The following IL1R1 variants were observed in gnomAD, a reference collection of about 807,000 sequenced individuals.
IL1R1 encodes interleukin 1 receptor type 1.
IL1R1 carries 22 observed loss-of-function variants against 50.2 expected under a neutral mutation model. That is an observed-to-expected ratio of 0.44 (90% confidence interval 0.31 to 0.63). The LOEUF (loss-of-function observed/expected upper bound fraction) is 0.63. Ranked by LOEUF, IL1R1 falls within the 20% of genes least tolerant of loss-of-function variation. The pLI, the probability that IL1R1 is intolerant of heterozygous loss-of-function variation, is 0.07. For synonymous variants in IL1R1, 251 were observed against 236.7 expected (o/e 1.06, Z -0.55); for missense variants, 509 against 676.2 (o/e 0.75, Z 2.74).
intron 1 of IL1R1, among the ~76,000 whole-genome samples, chr2:102,149,780 AGGGAGCT>A (rs1282184612): frequency 2.0e-4 from 30 of 152,298 alleles, no homozygotes; most frequent in Admixed American, 7.2e-4. Context: ...CCAATATGGA[AGGGAGCT>A]GGGGAGAGGC....
chr2:102,078,087 A>C (rs1044982636), intron 1 of IL1R1, among the ~76,000 whole-genome samples: 3 of 152,192 alleles, frequency 2.0e-5, no homozygotes, highest in Non-Finnish European at 2.9e-5. Flanking sequence ...TAGAGAAAAA[A>C]TTAAAGAAAT....
intron 1 of IL1R1, among the ~76,000 whole-genome samples, chr2:102,136,980 T>C (rs984879722): frequency 6.6e-6 from 1 of 152,220 alleles, no homozygotes; most frequent in African/African-American, 2.4e-5. Flanking sequence ...CTAGTTAACA[T>C]TTCCTCAAAA....
intron 3 of IL1R1, among the ~76,000 whole-genome samples, chr2:102,163,393 C>T (rs558613849): frequency 9.2e-5 from 14 of 152,062 alleles, no homozygotes; most frequent in Admixed American, 8.5e-4. Context: ...AATTCCCTGC[C>T]CATTTTATTC....
chr2:102,106,731 A>G (rs980810936), intron 1 of IL1R1, among the ~76,000 whole-genome samples: 29 of 152,174 alleles, frequency 1.9e-4, no homozygotes, highest in Non-Finnish European at 3.4e-4. Flanking sequence ...ATATATTTGT[A>G]CTCTACATGC....
At chr2:102,135,274 T>TA (rs11421977) in intron 1 of IL1R1, among the ~76,000 whole-genome samples, 53,598 of 151,958 alleles carry the variant, frequency 0.35, 11,342 homozygotes, top group East Asian at 0.49. Flanking sequence ...GTACCTACAA[T>TA]AAAAAATGCT....
chr2:102,175,934 A>G (rs1049639308), intron 11 of IL1R1: 2 of 520,662 alleles, frequency 3.8e-6, no homozygotes, highest in African/African-American at 3.9e-5. Context: ...GGTAGAGATC[A>G]AATGATTGAA....
intron 1 of IL1R1, among the ~76,000 whole-genome samples, chr2:102,149,380 T>C (rs1683448177): frequency 6.6e-6 from 1 of 152,214 alleles, no homozygotes; most frequent in African/African-American, 2.4e-5. Flanking sequence ...GGCTTGGCTA[T>C]GTCAGGTCCC....
chr2:102,176,130 T>C (rs967789932), intron 11 of IL1R1: 1 of 503,714 alleles, frequency 2.0e-6, no homozygotes, highest in Non-Finnish European at 3.5e-6. Context: ...GAGGCTGCAG[T>C]GATCCAAGAT....
intron 1 of IL1R1, among the ~76,000 whole-genome samples, chr2:102,085,966 A>C (rs1376515370): frequency 1.3e-5 from 2 of 152,116 alleles, no homozygotes; most frequent in Non-Finnish European, 2.9e-5. Context: ...TGTCAGCAAT[A>C]GCTTTATTTT....
At chr2:102,118,796 T>A (rs190644122) in intron 1 of IL1R1, among the ~76,000 whole-genome samples, 2 of 151,978 alleles carry the variant, frequency 1.3e-5, no homozygotes, top group East Asian at 3.9e-4. Flanking sequence ...GGTGGGAGGA[T>A]CATGAGGTCA....
chr2:102,141,258 C>G (rs577996639), upstream of IL1R1, among the ~76,000 whole-genome samples: 54 of 152,322 alleles, frequency 3.5e-4, 1 homozygote, highest in South Asian at 1.0e-2. Context: ...ACTGGAATTA[C>G]CTGGGAGCTT....
chr2:102,093,602 C>T (rs1471575305), intron 1 of IL1R1, among the ~76,000 whole-genome samples: 6 of 152,186 alleles, frequency 3.9e-5, no homozygotes, highest in Admixed American at 3.3e-4. Context: ...TGATATTGAG[C>T]ATTTTTTCGT....
chr2:102,112,788 T>C (rs1419295911), intron 1 of IL1R1, among the ~76,000 whole-genome samples: 1 of 152,162 alleles, frequency 6.6e-6, no homozygotes, highest in Non-Finnish European at 1.5e-5. Flanking sequence ...TGAATGTCTG[T>C]GTGTCCCCCA....
chr2:102,107,996 C>A (rs1051930785), intron 1 of IL1R1, among the ~76,000 whole-genome samples: 31 of 152,246 alleles, frequency 2.0e-4, no homozygotes, highest in African/African-American at 7.2e-4. Flanking sequence ...GACAGAAGGC[C>A]TGTGCTAGCC....
intron 2 of IL1R1, among the ~76,000 whole-genome samples, chr2:102,155,376 A>G (rs1684088352): frequency 6.6e-6 from 1 of 152,200 alleles, no homozygotes; most frequent in African/African-American, 2.4e-5. Context: ...ATGTTGAGGG[A>G]CTTCTGACTT....
intron 1 of IL1R1, among the ~76,000 whole-genome samples, chr2:102,107,193 G>A (rs1014070659): frequency 2.0e-5 from 3 of 151,660 alleles, no homozygotes; most frequent in Non-Finnish European, 2.9e-5. Context: ...GCATGCACAC[G>A]TATGTTTATT....
At chr2:102,117,125 G>C (rs12712129) in intron 1 of IL1R1, among the ~76,000 whole-genome samples, 13 of 152,124 alleles carry the variant, frequency 8.5e-5, no homozygotes, top group African/African-American at 2.9e-4. Context: ...TCATCAAACC[G>C]CATGTCCAAT....
chr2:102,112,527 T>C (rs1228143425), intron 1 of IL1R1, among the ~76,000 whole-genome samples: 2 of 152,066 alleles, frequency 1.3e-5, no homozygotes, highest in East Asian at 3.9e-4. Context: ...GGGCAGGGCT[T>C]GCTTCTGAGA....
intron 1 of IL1R1, among the ~76,000 whole-genome samples, chr2:102,127,090 T>C (rs1681753554): frequency 6.6e-6 from 1 of 152,226 alleles, no homozygotes; most frequent in Non-Finnish European, 1.5e-5. Context: ...AGCCTCTCCC[T>C]TCTCTGCTTT....
Sources: gnomAD v4.1 joint callset for allele counts (sites outside exome capture counted in the v4.1 genomes callset) on GRCh38, gnomAD v4.1.1 for gene constraint, MANE v1.5 for transcripts, NCBI Gene and HGNC (gene_info 2026-07-23, HGNC 2026-07-21) for gene names.